TAF15: variants seen among roughly 807,000 people sequenced by gnomAD.
TAF15 encodes TATA-box binding protein associated factor 15, also known as TATA-binding protein-associated factor 2N.
A neutral mutation model predicts 102.5 loss-of-function variants in TAF15; 37 were observed. The ratio of observed to expected loss-of-function variants is 0.36; its 90% CI spans 0.28 to 0.47. TAF15 has a LOEUF of 0.47. Among genes scored for constraint, TAF15 ranks in the 20% least tolerant of loss-of-function variants. The pLI, the probability that TAF15 is intolerant of heterozygous loss-of-function variation, is 0.99. For missense variants in TAF15, 652 were observed against 760.7 expected, an observed-to-expected ratio of 0.86 and a Z score of 1.68; for synonymous variants, 273 against 259.2, an observed-to-expected ratio of 1.05 and a Z score of -0.51.
chr17:35,834,744 T>TA, intron 9 of TAF15, 146 bp downstream of exon 9: 5 of 548,566 alleles, frequency 9.1e-6, no homozygotes, highest in African/African-American at 4.7e-5. Flanking sequence ...TTATTTCTTT[T>TA]TTTTTTTTTT....
rs575097460 is a variant in TAF15 at position 35,837,700 on chromosome 17, G to A, written c.784-724G>A. Among the ~76,000 whole-genome samples, 5 of 152,060 alleles carry A rather than the reference G, an allele frequency of 3.3e-5. No homozygotes were observed. In the South Asian group the frequency reaches 6.2e-4, roughly 19 times the overall value. On this transcript the variant is annotated intron_variant, in intron 10 of 15. Transcript: ENST00000605844. ...AAATTAGATGGGCGTGGTGGCATGC[G>A]CCTGTAGTCCCAGCTACTTGGGCGG...
chr17:35,834,611 G>A lies in TAF15; in HGVS notation c.673+13G>A. ...AGAACAGATGCTGGTAAGGTTTATG[G>A]TGGTTTGTCACTTTGCCATTAAGAA... On this transcript the variant is annotated intron_variant, in intron 9 of 15. Transcript: ENST00000605844. The A allele has an allele frequency of 6.2e-7, 1 of 1,612,078 alleles. No homozygotes were observed. The highest frequency in any genetic ancestry group is 8.5e-7 in the Non-Finnish European group (1 of 1,179,408).
At position 35,830,337 on chromosome 17, in the gene TAF15, A is replaced by G. The variant is rs555796495; in HGVS notation, c.606-3570A>G. ...TTCTTATGCAGGGGGTACTCTGCCA[A>G]TAAAGTTGAGTATGCTTATATTGTG... On this transcript the variant is annotated intron_variant, in intron 7 of 15. Transcript: ENST00000605844. 2.0e-5 allele frequency: 3 copies of G among 152,322 alleles called. No homozygotes were observed. The East Asian group carries it at 5.8e-4, about 29-fold the overall frequency. The allele number at this position is 152,322 out of a possible 1,614,324, so 9.4% of individuals were successfully genotyped here.
chr17:35,813,281 C>T (rs931246277), intron 1 of TAF15, among the ~76,000 whole-genome samples: 1 of 152,046 alleles, frequency 6.6e-6, no homozygotes, highest in Non-Finnish European at 1.5e-5. Flanking sequence ...TGTGACTTAT[C>T]TCACAGATGT....
At chr17:35,827,670 A>G (rs2143782712) in intron 7 of TAF15, among the ~76,000 whole-genome samples, 1 of 152,196 alleles carries the variant, frequency 6.6e-6, no homozygotes, top group Admixed American at 6.5e-5. Context: ...ACACCATTGC[A>G]TTCCAGCCTG....
In TAF15 at chr17:35,817,718, T is replaced by G; in HGVS notation, c.10T>G (p.Ser4Ala). The G allele has an allele frequency of 6.2e-7, 1 of 1,613,490 alleles. No individual in the cohort carries two copies. Among genetic ancestry groups the G allele is most frequent in the Non-Finnish European group, 8.5e-7 (1 of 1,179,454 alleles). MSD[S>A]GSYGQSGGEQ... ...AAAATTCTTTTTATGTGTTCTAGAT[T>G]CTGGAAGTTACGGTCAGTCTGGGGG... Residue 4 changes from serine (S) to alanine (A), a missense_variant and splice_region_variant, in exon 2 of 16, where the codon TCT becomes GCT. Ser to Ala is a moderately conservative substitution (Grantham distance 99). Coordinates refer to ENST00000605844, the MANE Select transcript of TAF15 (RefSeq NM_139215.3).
chr17:35,843,045 G>T (rs1287584984), intron 12 of TAF15, among the ~76,000 whole-genome samples: 1 of 152,064 alleles, frequency 6.6e-6, no homozygotes, highest in Non-Finnish European at 1.5e-5. Context: ...TTGTTTTAAT[G>T]ATACCTAATT....
chr17:35,811,636 A>G (rs1488596577), intron 1 of TAF15: 3 of 152,258 alleles, frequency 2.0e-5, no homozygotes, highest in Non-Finnish European at 4.4e-5. Context: ...CAGACTACAC[A>G]TGTAAATTTA....
chr17:35,836,783 T>C (rs1040313666), intron 10 of TAF15, among the ~76,000 whole-genome samples: 1 of 151,892 alleles, frequency 6.6e-6, no homozygotes. Flanking sequence ...GTGGAATTAC[T>C]CTTTTTTTTT....
chr17:35,839,159 T>C (rs947155220), intron 11 of TAF15, among the ~76,000 whole-genome samples: 3 of 150,790 alleles, frequency 2.0e-5, no homozygotes, highest in Non-Finnish European at 4.4e-5. Flanking sequence ...TGTGCAGCTG[T>C]GGTCCCAGTT....
At chr17:35,814,565 T>C (rs968668496) in intron 1 of TAF15, among the ~76,000 whole-genome samples, 2 of 151,724 alleles carry the variant, frequency 1.3e-5, no homozygotes, top group African/African-American at 2.4e-5. Flanking sequence ...TTTGTGTGCC[T>C]AATAATATAT....
At chr17:35,838,314 A>G (rs2087500484) in intron 10 of TAF15, 110 bp from the exon 11 acceptor site, 4 of 1,411,214 alleles carry the variant, frequency 2.8e-6, no homozygotes, top group African/African-American at 2.9e-5. Flanking sequence ...AGTATTTTAT[A>G]GTATGAATGT....
chr17:35,844,418 C>T, intron 14 of TAF15, 50 bp downstream of exon 14: 1 of 1,611,988 alleles, frequency 6.2e-7, no homozygotes, highest in Non-Finnish European at 8.5e-7. Context: ...TTCTGACTAG[C>T]ATTAAGGGGG....
At position 35,822,851 on chromosome 17, in the gene TAF15, CTAT is replaced by C. The variant is rs766561067; in HGVS notation, c.484+26_484+28del. On this transcript the variant is annotated intron_variant, in intron 6 of 15. Transcript: ENST00000605844. ...CACACAAGGTAAGATTTACTGACCT[CTAT>C]TATTATTTTTCCCCCTCTCAGAATT... The C allele has an allele frequency of 5.0e-6, 8 of 1,612,332 alleles. No individual in the cohort carries two copies. Among genetic ancestry groups the C allele is most frequent in the African/African-American group, 2.7e-5 (2 of 74,872 alleles).
intron 10 of TAF15, among the ~76,000 whole-genome samples, chr17:35,837,545 C>T (rs922518848): frequency 1.3e-5 from 2 of 151,580 alleles, no homozygotes; most frequent in African/African-American, 2.4e-5. Context: ...TACATATTTA[C>T]GGCCGGGCGT....
chr17:35,820,817 T>C (rs532121219), intron 5 of TAF15, among the ~76,000 whole-genome samples: 2 of 152,226 alleles, frequency 1.3e-5, no homozygotes, highest in East Asian at 1.9e-4. Context: ...GACAAAAATA[T>C]TTTTTAAAAG....
At chr17:35,812,194 A>G (rs1353102939) in intron 1 of TAF15, among the ~76,000 whole-genome samples, 1 of 152,206 alleles carries the variant, frequency 6.6e-6, no homozygotes, top group Non-Finnish European at 1.5e-5. Flanking sequence ...CTTAGTACCA[A>G]CATAAGAGAT....
chr17:35,827,456 A>G (rs1005449349), intron 7 of TAF15, among the ~76,000 whole-genome samples: 2 of 152,184 alleles, frequency 1.3e-5, no homozygotes, highest in African/African-American at 4.8e-5. Flanking sequence ...CTGTAATTCC[A>G]GCACTTTGGA....
intron 7 of TAF15, among the ~76,000 whole-genome samples, chr17:35,824,838 GTATT>G (rs896574662): frequency 2.0e-5 from 3 of 151,786 alleles, no homozygotes; most frequent in Non-Finnish European, 2.9e-5. Flanking sequence ...TCAGGTTTTG[GTATT>G]TATTTACTTA....
Sources: allele counts gnomAD v4.1 joint callset (sites outside exome capture counted in the v4.1 genomes callset), GRCh38; gene constraint gnomAD v4.1.1; transcripts MANE v1.5; gene names NCBI Gene and HGNC (gene_info 2026-07-23, HGNC 2026-07-21).